Variants in SH3BGRL2 observed in about 807,000 individuals in gnomAD.
The protein encoded by SH3BGRL2 is SH3 domain binding glutamate rich protein like 2.
SH3BGRL2 carries 21 observed loss-of-function variants against 14.8 expected under a neutral mutation model. That is an observed-to-expected ratio of 1.42 (90% CI 1.01 to 2.05). The LOEUF is 2.05. Among genes scored for constraint, SH3BGRL2 ranks in the 30% most tolerant of loss-of-function variants. The pLI is 0.00. For synonymous variants in SH3BGRL2, 50 were observed against 47.8 expected (o/e 1.05, Z -0.19); for missense variants, 147 against 130.8 (o/e 1.12, Z -0.61).
At chr6:79,560,836 G>GAAGAAATAAAA in the SH3BGRL2 span, among the ~76,000 whole-genome samples, 2 of 146,368 alleles carry the variant, frequency 1.4e-5, no homozygotes, top group African/African-American at 5.0e-5. Flanking sequence ...AAGAAGAGTG[G>GAAGAAATAAAA]AAGAAATAAA....
At chr6:79,646,414 T>G (rs1228334858) in intron 1 of SH3BGRL2, among the ~76,000 whole-genome samples, 1 of 152,248 alleles carries the variant, frequency 6.6e-6, no homozygotes, top group Non-Finnish European at 1.5e-5. Context: ...GCTAGCATAC[T>G]GCATTGGAAG....
intron 1 of SH3BGRL2, among the ~76,000 whole-genome samples, chr6:79,668,549 G>A (rs899810006): frequency 4.6e-5 from 7 of 152,086 alleles, no homozygotes; most frequent in Non-Finnish European, 8.8e-5. Context: ...CAACAAGGCT[G>A]CTTCAAAGCA....
chr6:79,661,193 T>C (rs1769538945), intron 1 of SH3BGRL2, among the ~76,000 whole-genome samples: 2 of 152,196 alleles, frequency 1.3e-5, no homozygotes, highest in Admixed American at 1.3e-4. Flanking sequence ...TGTTACTTGT[T>C]GCTTCTCTAG....
At chr6:79,620,481 C>T in the SH3BGRL2 span, among the ~76,000 whole-genome samples, 1 of 152,056 alleles carries the variant, frequency 6.6e-6, no homozygotes, top group African/African-American at 2.4e-5. Context: ...ATTAACCATG[C>T]TCTCAATATA....
chr6:79,578,822 A>T, the SH3BGRL2 span, among the ~76,000 whole-genome samples: 1 of 152,200 alleles, frequency 6.6e-6, no homozygotes, highest in Non-Finnish European at 1.5e-5. Context: ...GCAGAAGTAG[A>T]CTTCAGAAAT....
chr6:79,606,585 A>C, the SH3BGRL2 span, among the ~76,000 whole-genome samples: 1 of 152,172 alleles, frequency 6.6e-6, no homozygotes, highest in Non-Finnish European at 1.5e-5. Flanking sequence ...TTAAAATGTC[A>C]CAGGTTACTG....
chr6:79,588,907 G>C, the SH3BGRL2 span, among the ~76,000 whole-genome samples: 6 of 152,042 alleles, frequency 3.9e-5, no homozygotes, highest in Admixed American at 1.3e-4. Context: ...CTGCTCACAG[G>C]ATTCAGAAAT....
At chr6:79,553,664 GTTT>G in the SH3BGRL2 span, among the ~76,000 whole-genome samples, 9 of 151,790 alleles carry the variant, frequency 5.9e-5, 1 homozygote, top group African/African-American at 2.2e-4. Context: ...ATAATGTACA[GTTT>G]TATGAGGAAA....
intron 1 of SH3BGRL2, among the ~76,000 whole-genome samples, chr6:79,637,043 T>C (rs1452749406): frequency 3.9e-5 from 6 of 152,184 alleles, no homozygotes; most frequent in Non-Finnish European, 8.8e-5. Context: ...TATGGAGTTT[T>C]TCTCATTTAA....
intron 1 of SH3BGRL2, among the ~76,000 whole-genome samples, chr6:79,643,765 C>T (rs1041554357): frequency 6.6e-6 from 1 of 152,098 alleles, no homozygotes; most frequent in Admixed American, 6.5e-5. Flanking sequence ...AGATCTGTAC[C>T]GTCTTCCTCC....
chr6:79,630,732 G>A (rs1413162882), upstream of SH3BGRL2, among the ~76,000 whole-genome samples: 2 of 152,038 alleles, frequency 1.3e-5, no homozygotes, highest in African/African-American at 4.8e-5. Flanking sequence ...TAAAATATTG[G>A]TTGTGCTTCC....
chr6:79,572,801 T>C, the SH3BGRL2 span, among the ~76,000 whole-genome samples: 35 of 152,334 alleles, frequency 2.3e-4, no homozygotes, highest in African/African-American at 8.4e-4. Context: ...CTAGTGAGAT[T>C]GAGCATTTTC....
the SH3BGRL2 span, among the ~76,000 whole-genome samples, chr6:79,588,362 A>G: frequency 2.0e-5 from 3 of 151,710 alleles, no homozygotes; most frequent in African/African-American, 7.3e-5. Flanking sequence ...GGGGGAAACT[A>G]ATGGAAGAGA....
intron 2 of SH3BGRL2, among the ~76,000 whole-genome samples, chr6:79,692,638 G>C (rs1302798053): frequency 1.3e-5 from 2 of 152,088 alleles, no homozygotes; most frequent in African/African-American, 2.4e-5. Flanking sequence ...TCTTGTTTTT[G>C]TCAGGTTTGT....
At chr6:79,554,647 A>G in the SH3BGRL2 span, among the ~76,000 whole-genome samples, 3 of 152,228 alleles carry the variant, frequency 2.0e-5, no homozygotes, top group Non-Finnish European at 4.4e-5. Context: ...TTAAGAGTAC[A>G]ATACCAAACT....
intron 1 of SH3BGRL2, among the ~76,000 whole-genome samples, chr6:79,647,738 T>C (rs1032176985): frequency 6.6e-6 from 1 of 152,186 alleles, no homozygotes; most frequent in Non-Finnish European, 1.5e-5. Context: ...AGTGGCTGTT[T>C]TTAAGATTCT....
intron 1 of SH3BGRL2, among the ~76,000 whole-genome samples, chr6:79,633,295 A>G (rs542345921): frequency 6.6e-6 from 1 of 152,172 alleles, no homozygotes; most frequent in Non-Finnish European, 1.5e-5. Flanking sequence ...AAGGATTTTC[A>G]TGGATAACTC....
the SH3BGRL2 span, among the ~76,000 whole-genome samples, chr6:79,550,987 A>T: frequency 1.3e-5 from 2 of 152,226 alleles, no homozygotes; most frequent in Admixed American, 6.5e-5. Context: ...GTCAGTGGTC[A>T]AGCGTGCAAT....
the SH3BGRL2 span, among the ~76,000 whole-genome samples, chr6:79,584,484 C>G: frequency 3.9e-5 from 6 of 152,152 alleles, no homozygotes; most frequent in Non-Finnish European, 7.3e-5. Context: ...TTCAGAACCC[C>G]CTCCATTTGG....
Sources: allele counts gnomAD v4.1 joint callset (sites outside exome capture counted in the v4.1 genomes callset), GRCh38; gene constraint gnomAD v4.1.1; transcripts MANE v1.5; gene names NCBI Gene and HGNC (gene_info 2026-07-23, HGNC 2026-07-21).